The following LYPD6 variants were observed in gnomAD, a reference collection of about 807,000 sequenced individuals.
LYPD6 encodes LY6/PLAUR domain containing 6.
A neutral mutation model predicts 22.7 loss-of-function variants in LYPD6; 15 were observed. The ratio of observed to expected loss-of-function variants is 0.66; its 90% CI spans 0.44 to 1.02. The LOEUF (loss-of-function observed/expected upper bound fraction) is 1.02. Among genes scored for constraint, LYPD6 ranks in the 50% least tolerant of loss-of-function variants. The pLI, the probability that LYPD6 is intolerant of heterozygous loss-of-function variation, is 0.00. For missense variants in LYPD6, 189 were observed against 208.4 expected (o/e 0.91, Z 0.57); for synonymous variants, 72 against 77.5 (o/e 0.93, Z 0.37).
intron 1 of LYPD6, among the ~76,000 whole-genome samples, 160 bp from the exon 2 acceptor site, chr2:149,437,478 C>T (rs915725991): frequency 3.3e-5 from 5 of 152,252 alleles, no homozygotes; most frequent in South Asian, 4.2e-4. Context: ...GGAATGTTCT[C>T]AGTGCTCTAA....
At chr2:149,452,615 G>T (rs992673558) in intron 3 of LYPD6, among the ~76,000 whole-genome samples, 18 of 152,100 alleles carry the variant, frequency 1.2e-4, no homozygotes, top group African/African-American at 3.9e-4. Flanking sequence ...ATAATTTGTT[G>T]AAAGTGAAAA....
At chr2:149,413,407 T>G (rs1559143228) in intron 1 of LYPD6, among the ~76,000 whole-genome samples, 1 of 151,614 alleles carries the variant, frequency 6.6e-6, no homozygotes, top group Non-Finnish European at 1.5e-5. Flanking sequence ...AATGACGAGA[T>G]AGAGAGAGAG....
At chr2:149,330,427 G>A (rs1180317888), upstream of LYPD6, 3 of 150,210 alleles carry the variant, frequency 2.0e-5, no homozygotes, top group Non-Finnish European at 4.4e-5. Context: ...GGGCCAATGA[G>A]CGCGCCCCGC....
chr2:149,477,717 G>T (rs144631443), downstream of LYPD6, among the ~76,000 whole-genome samples: 1 of 151,490 alleles, frequency 6.6e-6, no homozygotes, highest in East Asian at 1.9e-4. Flanking sequence ...TTTCAGCCAG[G>T]TTATATCTGA....
At chr2:149,470,431 C>A (rs1276182187) in intron 4 of LYPD6, among the ~76,000 whole-genome samples, 2 of 152,130 alleles carry the variant, frequency 1.3e-5, no homozygotes. Flanking sequence ...TTGTAAGAAT[C>A]GTATGGGTGG....
intron 1 of LYPD6, among the ~76,000 whole-genome samples, chr2:149,378,078 T>C (rs186338588): frequency 2.2e-4 from 34 of 152,144 alleles, no homozygotes; most frequent in African/African-American, 8.0e-4. Context: ...TTCCTAGCTA[T>C]GTGTAACTCA....
At chr2:149,437,412 AGAGG>A (rs1573807446) in intron 1 of LYPD6, among the ~76,000 whole-genome samples, 1 of 152,252 alleles carries the variant, frequency 6.6e-6, no homozygotes, top group East Asian at 1.9e-4. Flanking sequence ...GCTGGATATG[AGAGG>A]GGATGGCTAC....
chr2:149,398,270 T>C (rs1204853868), intron 1 of LYPD6, among the ~76,000 whole-genome samples: 1 of 152,168 alleles, frequency 6.6e-6, no homozygotes. Context: ...CTCTTCCATA[T>C]ACTCCTTTTT....
At chr2:149,428,728 T>A (rs1047496454) in intron 1 of LYPD6, among the ~76,000 whole-genome samples, 1 of 152,208 alleles carries the variant, frequency 6.6e-6, no homozygotes, top group Non-Finnish European at 1.5e-5. Flanking sequence ...CCCGTTCCCG[T>A]AAGAAGGGGG....
Position 149,351,737 on chromosome 2 carries a change from T to C in LYPD6, c.-72+21015T>C, listed in dbSNP as rs1268195684. Among the ~76,000 whole-genome samples, 3 of 152,110 alleles carry C rather than the reference T, an allele frequency of 2.0e-5. No homozygotes were observed. The East Asian group carries it at 5.8e-4, about 29-fold the overall frequency. ...GCACAGGACATAAAAATGATGAAGA[T>C]TGGGTCACTGTAAGCCAAGGAAGGG... On this transcript the variant is annotated intron_variant, in intron 1 of 4. Coordinates refer to ENST00000334166, the MANE Select transcript of LYPD6 (RefSeq NM_194317.5).
At chr2:149,478,433 A>AT (rs2105191329), downstream of LYPD6, among the ~76,000 whole-genome samples, 1 of 147,788 alleles carries the variant, frequency 6.8e-6, no homozygotes, top group South Asian at 2.1e-4. Context: ...TTTATTTTTT[A>AT]TTTTTTTAGA....
At chr2:149,484,963 AC>A in the LYPD6 span, among the ~76,000 whole-genome samples, 1 of 152,144 alleles carries the variant, frequency 6.6e-6, no homozygotes, top group African/African-American at 2.4e-5. Flanking sequence ...CAATCTCACA[AC>A]ATCTACTTCT....
At chr2:149,380,476 T>C (rs1458594338) in intron 1 of LYPD6, among the ~76,000 whole-genome samples, 2 of 152,120 alleles carry the variant, frequency 1.3e-5, no homozygotes, top group Non-Finnish European at 2.9e-5. Context: ...TGGTAAGTTG[T>C]GAGTGTGGGA....
intron 1 of LYPD6, among the ~76,000 whole-genome samples, chr2:149,377,350 G>A (rs1681946215): frequency 6.6e-6 from 1 of 151,854 alleles, no homozygotes; most frequent in African/African-American, 2.4e-5. Flanking sequence ...GTCCCAGGTT[G>A]AAGTGGGCAC....
chr2:149,439,299 T>C lies in LYPD6; in HGVS notation c.118+1473T>C, dbSNP rs573562589. 8.5e-5 allele frequency among the ~76,000 whole-genome samples: 13 copies of C among 152,318 alleles called. No individual in the cohort carries two copies. In the South Asian group the frequency reaches 2.5e-3, roughly 29 times the overall value. On this transcript the variant is annotated intron_variant, in intron 2 of 4. Transcript: ENST00000334166. The stretch of plus-strand genomic sequence containing the variant: ...ACTGGTTAATCGTATGGAAGACTTA[T>C]CTGGCTGCTTGTTTTGTGGGGATTT...
chr2:149,477,622 C>CAAAAAAAAAAAAAAAAAAAAAAAAAAA (rs35507967), downstream of LYPD6, among the ~76,000 whole-genome samples: 1 of 62,912 alleles, frequency 1.6e-5, no homozygotes, highest in Non-Finnish European at 2.7e-5. Context: ...AACTGTGTCT[C>CAAAAAAAAAAAAAAAAAAAAAAAAAAA]AAAAAAAAAA....
intron 1 of LYPD6, among the ~76,000 whole-genome samples, chr2:149,405,749 T>G (rs1200056753): frequency 2.6e-5 from 4 of 151,672 alleles, no homozygotes; most frequent in African/African-American, 9.7e-5. Flanking sequence ...TCTGCTCTGA[T>G]TTTAGTTATT....
intron 1 of LYPD6, among the ~76,000 whole-genome samples, chr2:149,411,584 C>T (rs552949500): frequency 1.3e-5 from 2 of 151,940 alleles, no homozygotes; most frequent in South Asian, 2.1e-4. Context: ...GTGTGGGGTG[C>T]GATATAATTT....
chr2:149,333,402 G>A (rs934166837), intron 1 of LYPD6, among the ~76,000 whole-genome samples: 1 of 152,154 alleles, frequency 6.6e-6, no homozygotes, highest in African/African-American at 2.4e-5. Context: ...AATCTCATTT[G>A]CAATAACGTG....
Sources: gnomAD v4.1 joint callset for allele counts (sites outside exome capture counted in the v4.1 genomes callset) on GRCh38, gnomAD v4.1.1 for gene constraint, MANE v1.5 for transcripts, NCBI Gene and HGNC (gene_info 2026-07-23, HGNC 2026-07-21) for gene names.